The following GALNT2 variants were observed in gnomAD, a reference collection of about 807,000 sequenced individuals.
GALNT2 encodes UDP-GalNAc:polypeptide N-acetylgalactosaminyltransferase 2.
GALNT2 carries 31 observed loss-of-function variants against 81.4 expected under a neutral mutation model. The ratio of observed to expected loss-of-function variants is 0.38; its 90% CI spans 0.29 to 0.51. GALNT2 has a LOEUF of 0.51. GALNT2 is among the 20% of genes least tolerant of loss of function. GALNT2 has a pLI of 0.87. For missense variants in GALNT2, 629 were observed against 765.7 expected (o/e 0.82, Z 2.11); for synonymous variants, 303 against 287.4 (o/e 1.05, Z -0.55).
intron 2 of GALNT2, among the ~76,000 whole-genome samples, chr1:230,200,698 C>G (rs1663864589): frequency 6.6e-6 from 1 of 152,200 alleles, no homozygotes; most frequent in Admixed American, 6.5e-5. Flanking sequence ...TGCACACAGG[C>G]CCACACCAAC....
intron 1 of GALNT2, among the ~76,000 whole-genome samples, chr1:230,140,974 G>T (rs1220065056): frequency 6.6e-6 from 1 of 152,138 alleles, no homozygotes; most frequent in East Asian, 1.9e-4. Context: ...CTCTGCTTTT[G>T]TGTCATCATT....
chr1:230,084,953 A>C (rs1659855099), intron 1 of GALNT2, among the ~76,000 whole-genome samples: 1 of 152,096 alleles, frequency 6.6e-6, no homozygotes, highest in Non-Finnish European at 1.5e-5. Flanking sequence ...CTTGCAGCTG[A>C]ACAGACCCCA....
At chr1:230,169,433 A>G (rs548185447) in intron 1 of GALNT2, among the ~76,000 whole-genome samples, 12 of 152,336 alleles carry the variant, frequency 7.9e-5, no homozygotes, top group African/African-American at 2.9e-4. Context: ...TGCATTTGCA[A>G]ACTATTCCTA....
At chr1:230,266,318 C>T (rs1666036472) in intron 14 of GALNT2, among the ~76,000 whole-genome samples, 1 of 152,080 alleles carries the variant, frequency 6.6e-6, no homozygotes, top group Admixed American at 6.5e-5. Flanking sequence ...AAACAGTTTT[C>T]CCATGAGATA....
At chr1:230,082,437 C>T (rs1177887779) in intron 1 of GALNT2, among the ~76,000 whole-genome samples, 1 of 152,232 alleles carries the variant, frequency 6.6e-6, no homozygotes, top group Admixed American at 6.5e-5. Context: ...TTTGCAGTTC[C>T]ACAGCCATTC....
intron 2 of GALNT2, among the ~76,000 whole-genome samples, chr1:230,183,564 G>T (rs998642113): frequency 1.3e-5 from 2 of 152,014 alleles, no homozygotes; most frequent in Admixed American, 6.5e-5. Flanking sequence ...TTATATCATT[G>T]CTGTCATTCA....
At chr1:230,074,175 C>G (rs1386924742) in intron 1 of GALNT2, among the ~76,000 whole-genome samples, 1 of 151,946 alleles carries the variant, frequency 6.6e-6, no homozygotes, top group Non-Finnish European at 1.5e-5. Context: ...TAACTGTAGC[C>G]TCAAACTCCT....
chr1:230,105,279 A>G (rs1660509513), intron 1 of GALNT2, among the ~76,000 whole-genome samples: 1 of 152,192 alleles, frequency 6.6e-6, no homozygotes, highest in African/African-American at 2.4e-5. Context: ...AGCCAAACTG[A>G]ACACCCACTG....
Position 230,265,262 on chromosome 1 carries a change from A to G in GALNT2, c.1335A>G (p.Ile445Met). The G allele has an allele frequency of 6.2e-7, 1 of 1,614,180 alleles. No individual in the cohort carries two copies. The highest frequency in any genetic ancestry group is 8.5e-7 in the Non-Finnish European group (1 of 1,180,028). ...PELRVPDHQD[I>M]AFGALQQGTN... Reference sequence around the variant, plus strand: ...TCAGGGTTCCAGACCATCAGGATATAGCTTTTGGGGCCTTGCAGCAGGGAA... The same window carrying G: ...TCAGGGTTCCAGACCATCAGGATATGGCTTTTGGGGCCTTGCAGCAGGGAA... Residue 445 changes from isoleucine (I) to methionine (M), a missense_variant, in exon 14 of 16, where the codon ATA (isoleucine) becomes ATG (methionine). Physicochemically the swap from Ile to Met is conservative, Grantham distance 10. This residue lies in a region of GALNT2 where 207 missense variants were observed against 225.5 expected (regional missense o/e 0.92). Transcript: ENST00000366672.
chr1:230,257,766 A>G lies in GALNT2; in HGVS notation c.1136+2422A>G, dbSNP rs994733591. On this transcript the variant is annotated intron_variant, in intron 11 of 15. Transcript: ENST00000366672. The surrounding 1 kb of genome is among the most constrained non-coding windows in gnomAD (Gnocchi z 4.6). The stretch of plus-strand genomic sequence containing the variant: ...GTGAAGCAGGCAGCTGTTTGCTAAT[A>G]GGGCGGCAGAGAGAAGGGAGGTAGA... Among the ~76,000 whole-genome samples, 1 of 152,222 alleles carries G rather than the reference A, an allele frequency of 6.6e-6. No individual in the cohort carries two copies. The highest frequency in any genetic ancestry group is 1.5e-5 in the Non-Finnish European group (1 of 68,042).
At chr1:230,077,545 G>A (rs952461454) in intron 1 of GALNT2, among the ~76,000 whole-genome samples, 1 of 152,138 alleles carries the variant, frequency 6.6e-6, no homozygotes, top group Non-Finnish European at 1.5e-5. Flanking sequence ...CTTTCAGACC[G>A]AGACATCAAT....
At chr1:230,185,265 C>T (rs951744610) in intron 2 of GALNT2, among the ~76,000 whole-genome samples, 3 of 147,904 alleles carry the variant, frequency 2.0e-5, no homozygotes, top group East Asian at 2.0e-4. Flanking sequence ...TTAAACTGTG[C>T]GTGCGTGCGT....
At chr1:230,226,698 AGCCAGTCATC>A (rs1664724847) in intron 3 of GALNT2, among the ~76,000 whole-genome samples, 1 of 152,190 alleles carries the variant, frequency 6.6e-6, no homozygotes, top group Non-Finnish European at 1.5e-5. Flanking sequence ...AAGTTAGGGG[AGCCAGTCATC>A]GCACCCGCGG....
chr1:230,071,750 G>A (rs1659382254), intron 1 of GALNT2, among the ~76,000 whole-genome samples: 1 of 152,204 alleles, frequency 6.6e-6, no homozygotes, highest in Non-Finnish European at 1.5e-5. Context: ...GAGGACAGTA[G>A]CAGGGAAAAC....
chr1:230,245,154 G>A (rs1665325340), intron 7 of GALNT2, among the ~76,000 whole-genome samples: 1 of 147,892 alleles, frequency 6.8e-6, no homozygotes, highest in Admixed American at 6.6e-5. Flanking sequence ...AATCTAGGGG[G>A]ATTTTTTTTT....
chr1:230,248,029 C>T (rs1262271006), intron 8 of GALNT2, among the ~76,000 whole-genome samples: 1 of 152,186 alleles, frequency 6.6e-6, no homozygotes, highest in Non-Finnish European at 1.5e-5. Context: ...GGTCTCCTCT[C>T]TGTGCATTTC....
intron 3 of GALNT2, among the ~76,000 whole-genome samples, chr1:230,216,549 C>A (rs1317895330): frequency 6.6e-6 from 1 of 152,218 alleles, no homozygotes; most frequent in African/African-American, 2.4e-5. Context: ...AGCCATCCCC[C>A]TGAGTAGCTA....
intron 1 of GALNT2, among the ~76,000 whole-genome samples, chr1:230,153,827 C>T (rs752870800): frequency 7.2e-5 from 11 of 152,238 alleles, no homozygotes; most frequent in Non-Finnish European, 1.6e-4. Context: ...GTTGGTGGCA[C>T]TCACCATTCA....
chr1:230,228,170 G>A (rs368165303), intron 3 of GALNT2, among the ~76,000 whole-genome samples: 51 of 152,262 alleles, frequency 3.3e-4, no homozygotes, highest in African/African-American at 1.2e-3. Flanking sequence ...GGAGAAAATT[G>A]TAAAACATAA....
Sources: gnomAD v4.1 joint callset for allele counts (sites outside exome capture counted in the v4.1 genomes callset) on GRCh38, gnomAD v4.1.1 for gene constraint, gnomAD v4.1.1 regional missense constraint, Gnocchi (gnomAD v3.1) non-coding constraint, MANE v1.5 for transcripts, NCBI Gene and HGNC (gene_info 2026-07-23, HGNC 2026-07-21) for gene names.